Variants in EAF2 observed in about 807,000 individuals in gnomAD.
EAF2 encodes ELL associated factor 2.
In EAF2, 29 loss-of-function variants were observed where a neutral mutation model predicts 29.4. The ratio of observed to expected loss-of-function variants is 0.99; its 90% CI spans 0.73 to 1.35. The LOEUF (loss-of-function observed/expected upper bound fraction) is 1.35. EAF2 is among the 40% of genes most tolerant of loss of function. EAF2 has a pLI of 0.00. For synonymous variants in EAF2, 103 were observed against 102.5 expected (o/e 1.00, Z -0.03); for missense variants, 292 against 312.0 (o/e 0.94, Z 0.48).
chr3:121,874,752 A>G (rs1163802756), intron 5 of EAF2, among the ~76,000 whole-genome samples: 1 of 151,968 alleles, frequency 6.6e-6, no homozygotes, highest in African/African-American at 2.4e-5. Flanking sequence ...TCTGTGCCAA[A>G]CAAATAGGAA....
chr3:121,882,490 C>T (rs1200612858), intron 5 of EAF2, among the ~76,000 whole-genome samples: 1 of 151,996 alleles, frequency 6.6e-6, no homozygotes, highest in Non-Finnish European at 1.5e-5. Flanking sequence ...GGAGCATTCC[C>T]GTTAAATTCA....
intron 5 of EAF2, chr3:121,873,008 C>T (rs1299733612): frequency 3.9e-6 from 3 of 766,042 alleles, no homozygotes; most frequent in African/African-American, 3.4e-5. Flanking sequence ...CCTCTCACTC[C>T]TTTTCAAGTT....
chr3:121,851,360 T>G (rs116415334), intron 2 of EAF2, among the ~76,000 whole-genome samples: 1,695 of 151,912 alleles, frequency 0.011, 26 homozygotes, highest in African/African-American at 0.033. Context: ...AGTTTTTTTT[T>G]TGTGGACACA....
At chr3:121,862,719 C>T (rs546738745) in intron 4 of EAF2, among the ~76,000 whole-genome samples, 75 of 152,248 alleles carry the variant, frequency 4.9e-4, no homozygotes, top group African/African-American at 1.7e-3. Context: ...CCATTGCTGG[C>T]GAGGAGCTGC....
chr3:121,844,588 A>C (rs768703330), intron 2 of EAF2, 41 bp downstream of exon 2: 1 of 1,301,642 alleles, frequency 7.7e-7, no homozygotes, highest in South Asian at 1.3e-5. Flanking sequence ...CTTTTGTGGG[A>C]TTCTCAGTAA....
At chr3:121,874,727 GT>G (rs1286411915) in intron 5 of EAF2, among the ~76,000 whole-genome samples, 3 of 151,844 alleles carry the variant, frequency 2.0e-5, no homozygotes, top group Non-Finnish European at 4.4e-5. Context: ...GTGAATTTGT[GT>G]TTTTAAAACC....
At chr3:121,841,385 A>G (rs1708420096) in intron 1 of EAF2, among the ~76,000 whole-genome samples, 1 of 151,290 alleles carries the variant, frequency 6.6e-6, no homozygotes. Flanking sequence ...CACGCTTGTA[A>G]TCTCAGCTAC....
chr3:121,847,293 G>A (rs895730186), intron 2 of EAF2, among the ~76,000 whole-genome samples: 1 of 152,302 alleles, frequency 6.6e-6, no homozygotes, highest in Admixed American at 6.5e-5. Flanking sequence ...AGGTATCTCA[G>A]CCAGGGTACA....
At chr3:121,860,088 G>A (rs551647758) in intron 4 of EAF2, among the ~76,000 whole-genome samples, 186 of 152,248 alleles carry the variant, frequency 1.2e-3, no homozygotes, top group African/African-American at 4.3e-3. Flanking sequence ...ATTTTATTGA[G>A]GATTTTCACA....
At chr3:121,862,679 C>T (rs1026475079) in intron 4 of EAF2, among the ~76,000 whole-genome samples, 6 of 152,296 alleles carry the variant, frequency 3.9e-5, no homozygotes, top group African/African-American at 1.4e-4. Flanking sequence ...TCTCTCTATT[C>T]GTCAAAGTCG....
chr3:121,869,937 G>C (rs6762244), intron 4 of EAF2, among the ~76,000 whole-genome samples: 5,279 of 152,140 alleles, frequency 0.035, 320 homozygotes, highest in African/African-American at 0.12. Context: ...AAATTTGACA[G>C]TTTAGAGGAA....
At chr3:121,843,838 C>T (rs1708474218) in intron 1 of EAF2, among the ~76,000 whole-genome samples, 1 of 152,042 alleles carries the variant, frequency 6.6e-6, no homozygotes, top group South Asian at 2.1e-4. Context: ...TAGTGGTGTA[C>T]ATATTCATGA....
chr3:121,878,795 G>T (rs1179818943), intron 5 of EAF2, among the ~76,000 whole-genome samples: 2 of 151,976 alleles, frequency 1.3e-5, no homozygotes, highest in Non-Finnish European at 2.9e-5. Flanking sequence ...TCCATTAATG[G>T]ACACTTTGGT....
chr3:121,882,662 A>G (rs1709208929), intron 5 of EAF2, among the ~76,000 whole-genome samples: 2 of 152,128 alleles, frequency 1.3e-5, no homozygotes, highest in African/African-American at 4.8e-5. Flanking sequence ...TAGGAAATCC[A>G]AAAGAATCAG....
intron 5 of EAF2, among the ~76,000 whole-genome samples, chr3:121,877,731 A>C (rs114592811): frequency 2.0e-5 from 3 of 152,018 alleles, no homozygotes; most frequent in Non-Finnish European, 4.4e-5. Flanking sequence ...TTCCAAGGAA[A>C]TGTCTTAAAG....
intron 1 of EAF2, among the ~76,000 whole-genome samples, chr3:121,837,952 G>T (rs1708335658): frequency 1.3e-5 from 2 of 152,126 alleles, no homozygotes; most frequent in African/African-American, 4.8e-5. Flanking sequence ...AATGAATTGT[G>T]AAATCCTAAG....
chr3:121,841,747 C>A (rs1429332508), intron 1 of EAF2, among the ~76,000 whole-genome samples: 1 of 151,600 alleles, frequency 6.6e-6, no homozygotes, highest in African/African-American at 2.4e-5. Flanking sequence ...CAGTTGCTCA[C>A]GCCTGTAATC....
chr3:121,851,715 A>G (rs188141913), intron 2 of EAF2, among the ~76,000 whole-genome samples: 37 of 151,924 alleles, frequency 2.4e-4, no homozygotes, highest in Admixed American at 8.5e-4. Flanking sequence ...GAACAATACG[A>G]TTAGATTTGC....
At chr3:121,872,983 C>T in intron 5 of EAF2, 195 bp downstream of exon 5, 1 of 844,906 alleles carries the variant, frequency 1.2e-6, no homozygotes. Context: ...TCTCCCATCT[C>T]TCTAGATAAT....
Sources: allele counts gnomAD v4.1 joint callset (sites outside exome capture counted in the v4.1 genomes callset), GRCh38; gene constraint gnomAD v4.1.1; transcripts MANE v1.5; gene names NCBI Gene and HGNC (gene_info 2026-07-23, HGNC 2026-07-21).